CENPM: variants seen among roughly 807,000 people sequenced by gnomAD.
The protein encoded by CENPM is centromere protein M, also known as interphase centromere complex protein 39.
CENPM carries 14 observed loss-of-function variants against 19.6 expected under a neutral mutation model. The ratio of observed to expected loss-of-function variants is 0.71; its 90% CI spans 0.47 to 1.11. CENPM has a LOEUF of 1.11. Among genes scored for constraint, CENPM ranks in the 50% most tolerant of loss-of-function variants. The pLI is 0.00. For missense variants in CENPM, 239 were observed against 228.4 expected, an observed-to-expected ratio of 1.05 and a Z score of -0.30; for synonymous variants, 114 against 101.5, an observed-to-expected ratio of 1.12 and a Z score of -0.74.
the CENPM span, among the ~76,000 whole-genome samples, chr22:41,931,078 T>C: frequency 1.3e-5 from 2 of 151,278 alleles, no homozygotes; most frequent in South Asian, 4.2e-4. Context: ...TCAAGCGACC[T>C]GCGCGCCTCG....
rs951865186 is a variant in CENPM at position 41,946,067 on chromosome 22, A to G, written c.138-62T>C. 2.0e-4 allele frequency: 275 copies of G among 1,395,480 alleles called. 1 individual carries two copies. Among genetic ancestry groups the G allele is most frequent in the South Asian group, 2.2e-4 (18 of 83,340 alleles). The allele number at this position is 1,395,480 out of a possible 1,614,324, so 86.4% of individuals were successfully genotyped here. ...TACCCCCCTCATAGCGACCGTTTAA[A>G]TGCTGCCCTTCATGTGGAAAGAGGC... On this transcript the variant is annotated intron_variant, in intron 2 of 5. Coordinates refer to ENST00000215980, the MANE Select transcript of CENPM (RefSeq NM_024053.5).
rs920950869 is a variant in CENPM, at chr22:41,944,785, T to G, written c.310+440A>C. On this transcript the variant is annotated intron_variant, in intron 4 of 5. Coordinates refer to ENST00000215980, the MANE Select transcript of CENPM (RefSeq NM_024053.5). ...AGGCCAAACTGCAAAGTGTTTTATGTCTTTAGAGTTTGGATTTTACCGAAA... is the reference window on the plus strand; with the variant it reads ...AGGCCAAACTGCAAAGTGTTTTATGGCTTTAGAGTTTGGATTTTACCGAAA... The G allele has an allele frequency of 5.0e-6, 5 of 1,006,880 alleles. No individual in the cohort carries two copies. In the African/African-American group the frequency reaches 8.7e-5, roughly 18 times the overall value. 62.4% of individuals were successfully genotyped at this position (1,006,880 alleles called of 1,614,324 possible).
At chr22:41,933,541 G>A in the CENPM span, among the ~76,000 whole-genome samples, 4 of 152,070 alleles carry the variant, frequency 2.6e-5, no homozygotes, top group Non-Finnish European at 1.5e-5. Context: ...GTGCAGGTCC[G>A]GGGCTCTGGG....
At position 41,943,664 on chromosome 22, in the gene CENPM, G is replaced by C. The variant is rs765041411; in HGVS notation, c.348C>G (p.Thr116=). The C allele has an allele frequency of 3.1e-6, 5 of 1,613,732 alleles. No individual in the cohort carries two copies. The highest frequency in any genetic ancestry group is 4.2e-6 in the Non-Finnish European group (5 of 1,179,902). Residue 116 remains threonine, a synonymous_variant, in exon 5 of 6, where the codon ACC becomes ACG. Coordinates refer to ENST00000215980, the MANE Select transcript of CENPM (RefSeq NM_024053.5). ...GATAGGTGTGGGCCAGCTTCACCAC[G>C]GTGTGCCGGTGAATGCTGCAGTGGC... ...RESHCSIHRH[T]VVKLAHTYQS...
chr22:41,928,850 G>A, the CENPM span, among the ~76,000 whole-genome samples: 1 of 151,948 alleles, frequency 6.6e-6, no homozygotes, highest in East Asian at 1.9e-4. This position sits in a 1 kb window ranked among gnomAD's most constrained non-coding sequence, Gnocchi z 4.0. Context: ...TCCAGGGCAG[G>A]TGGCCCAGGG....
downstream of CENPM, among the ~76,000 whole-genome samples, chr22:41,935,750 G>A (rs536615705): frequency 6.6e-6 from 1 of 152,336 alleles, no homozygotes; most frequent in South Asian, 2.1e-4. Context: ...TCGCGATGCT[G>A]TGTTCTAGTG....
intron 5 of CENPM, among the ~76,000 whole-genome samples, chr22:41,940,989 A>C (rs2077733857): frequency 6.6e-6 from 1 of 152,160 alleles, no homozygotes; most frequent in South Asian, 2.1e-4. Flanking sequence ...AAATGACCTA[A>C]TTCTACCACC....
In CENPM at chr22:41,943,590, T is replaced by A; in HGVS notation, c.402+20A>T. The A allele has an allele frequency of 6.2e-7, 1 of 1,606,792 alleles. No individual in the cohort carries two copies. The highest frequency in any genetic ancestry group is 8.5e-7 in the Non-Finnish European group (1 of 1,174,334). ...CCCGCACCCGAGTATAGTGTTGGTC[T>A]CTGTGATCAGCATGCTCACCTCCAG... is the stretch of plus-strand genomic sequence containing the variant. On this transcript the variant is annotated intron_variant, in intron 5 of 5. Transcript: ENST00000215980.
chr22:41,945,114 T>G, intron 4 of CENPM, 111 bp downstream of exon 4: 1 of 1,569,616 alleles, frequency 6.4e-7, no homozygotes, highest in Non-Finnish European at 8.6e-7. Context: ...CCCCAGTGTG[T>G]GTAAAATACA....
intron 4 of CENPM, chr22:41,944,807 G>A (rs369433814): frequency 4.4e-5 from 44 of 1,010,080 alleles, no homozygotes; most frequent in East Asian, 3.0e-4. Context: ...GGATTTTACC[G>A]AAAGCCACAG....
chr22:41,944,560 A>C, intron 4 of CENPM: 1 of 683,780 alleles, frequency 1.5e-6, no homozygotes, highest in Non-Finnish European at 1.8e-6. Context: ...AAACAGAGGT[A>C]ATAACACCTA....
At chr22:41,936,095 C>T (rs1391741681), downstream of CENPM, among the ~76,000 whole-genome samples, 1 of 152,194 alleles carries the variant, frequency 6.6e-6, no homozygotes, top group South Asian at 2.1e-4. Flanking sequence ...GTCTCGAACT[C>T]CTGACCTCAA....
chr22:41,937,661 A>G (rs1296306556), downstream of CENPM, among the ~76,000 whole-genome samples: 1 of 152,184 alleles, frequency 6.6e-6, no homozygotes, highest in Non-Finnish European at 1.5e-5. Context: ...GGGGGGTCAC[A>G]CAGTCCCAGG....
chr22:41,946,727 G>A, intron 1 of CENPM: 1 of 593,776 alleles, frequency 1.7e-6, no homozygotes, highest in South Asian at 2.0e-5. Context: ...CGCTCCCACC[G>A]CCGGCCTCTC....
intron 2 of CENPM, 41 bp from the exon 3 acceptor site, chr22:41,946,046 C>G: frequency 6.6e-7 from 1 of 1,523,084 alleles, no homozygotes; most frequent in Non-Finnish European, 9.1e-7. Context: ...TATCCGTACC[C>G]CCCTCATAGC....
intron 1 of CENPM, chr22:41,946,819 G>T: frequency 1.6e-6 from 1 of 616,844 alleles, no homozygotes; most frequent in Non-Finnish European, 2.9e-6. Context: ...AGGGTCCGCC[G>T]AGCACCTATT....
chr22:41,928,399 C>G, the CENPM span, among the ~76,000 whole-genome samples: 2 of 152,172 alleles, frequency 1.3e-5, no homozygotes, highest in African/African-American at 4.8e-5. This position sits in a 1 kb window ranked among gnomAD's most constrained non-coding sequence, Gnocchi z 4.0. Flanking sequence ...TGGTCACATG[C>G]TACCCCCTCC....
intron 2 of CENPM, 105 bp downstream of exon 2, chr22:41,946,312 C>T: frequency 1.0e-6 from 1 of 963,826 alleles, no homozygotes; most frequent in Non-Finnish European, 1.6e-6. Flanking sequence ...GGGAGAAGGA[C>T]CAGCCTCAGA....
intron 5 of CENPM, among the ~76,000 whole-genome samples, chr22:41,942,607 T>A (rs897867840): frequency 6.6e-6 from 1 of 151,848 alleles, no homozygotes; most frequent in African/African-American, 2.4e-5. Context: ...AAAAATTAGC[T>A]GGGCGTGGTG....
Sources: allele counts gnomAD v4.1 joint callset (sites outside exome capture counted in the v4.1 genomes callset), GRCh38; gene constraint gnomAD v4.1.1; non-coding constraint Gnocchi (gnomAD v3.1); transcripts MANE v1.5; gene names NCBI Gene and HGNC (gene_info 2026-07-23, HGNC 2026-07-21).